Variants in C12orf54 observed in about 807,000 individuals in gnomAD.
C12orf54 encodes chromosome 12 open reading frame 54, also known as uncharacterized protein C12orf54.
A neutral mutation model predicts 26.4 loss-of-function variants in C12orf54; 24 were observed. The observed-to-expected ratio is 0.91, with a 90% confidence interval of 0.66 to 1.28. The LOEUF (loss-of-function observed/expected upper bound fraction) is 1.28, where lower values mean the gene tolerates loss of function less well. Ranked by LOEUF, C12orf54 falls within the 50% of genes most tolerant of loss-of-function variation. The pLI is 0.00. For synonymous variants in C12orf54, 54 were observed against 47.0 expected, an observed-to-expected ratio of 1.15 and a Z score of -0.61; for missense variants, 154 against 150.9, an observed-to-expected ratio of 1.02 and a Z score of -0.11.
the C12orf54 span, among the ~76,000 whole-genome samples, chr12:48,431,980 T>C: frequency 4.0e-3 from 615 of 152,216 alleles, 5 homozygotes; most frequent in African/African-American, 0.014. Context: ...AATTATAATC[T>C]CAATAAAGTT....
the C12orf54 span, among the ~76,000 whole-genome samples, chr12:48,456,932 G>A: frequency 6.6e-6 from 1 of 152,054 alleles, no homozygotes; most frequent in Admixed American, 6.6e-5. Context: ...TCACCATTAT[G>A]AGGACCAGTC....
chr12:48,447,670 G>A, the C12orf54 span, among the ~76,000 whole-genome samples: 5 of 151,972 alleles, frequency 3.3e-5, no homozygotes, highest in Admixed American at 6.6e-5. Flanking sequence ...TCTGCTACCC[G>A]TGGTAGCAGA....
Position 48,490,818 on chromosome 12 carries a change from G to A in C12orf54, c.175G>A (p.Glu59Lys). 6.2e-7 allele frequency: 1 copy of A among 1,613,636 alleles called. No individual in the cohort carries two copies. The highest frequency in any genetic ancestry group is 2.2e-5 in the East Asian group (1 of 44,878). Reference sequence around the variant, plus strand: ...TATTCTCATTATTTTTCAGCTGCAGGAAGATGCTCGGATTCGAGGTAAAAC... The same window carrying A: ...TATTCTCATTATTTTTCAGCTGCAGAAAGATGCTCGGATTCGAGGTAAAAC... ...VFKDIQKELQ[E>K]DARIRGMSNC... Residue 59 changes from glutamate (E) to lysine (K), a missense_variant, in exon 6 of 9, where the codon GAA becomes AAA. Transcript: ENST00000548364.
chr12:48,473,809 C>G, the C12orf54 span, among the ~76,000 whole-genome samples: 1 of 152,304 alleles, frequency 6.6e-6, no homozygotes, highest in African/African-American at 2.4e-5. Flanking sequence ...GGTTACTCAA[C>G]ACCCAGAAGG....
the C12orf54 span, among the ~76,000 whole-genome samples, chr12:48,426,666 CT>C: frequency 2.6e-5 from 4 of 152,090 alleles, no homozygotes; most frequent in Admixed American, 2.6e-4. Flanking sequence ...CTGTAAATTC[CT>C]TTGAGCAGTA....
the C12orf54 span, among the ~76,000 whole-genome samples, chr12:48,450,990 A>T: frequency 6.6e-6 from 1 of 152,198 alleles, no homozygotes; most frequent in Non-Finnish European, 1.5e-5. Flanking sequence ...GGCCAGCATC[A>T]TCCTGATACC....
the C12orf54 span, among the ~76,000 whole-genome samples, chr12:48,438,019 A>G: frequency 1.3e-5 from 2 of 152,234 alleles, no homozygotes; most frequent in African/African-American, 4.8e-5. Flanking sequence ...GTAACAGCCC[A>G]AAATCTCCTT....
At chr12:48,459,120 ATAT>A in the C12orf54 span, among the ~76,000 whole-genome samples, 2 of 152,176 alleles carry the variant, frequency 1.3e-5, no homozygotes, top group Non-Finnish European at 2.9e-5. Context: ...ACTTGCTTAA[ATAT>A]TATGAAATTG....
chr12:48,482,370 C>T (rs1954207142), upstream of C12orf54: 1 of 152,182 alleles, frequency 6.6e-6, no homozygotes, highest in African/African-American at 2.4e-5. Flanking sequence ...CTCCATTTTA[C>T]CATTATCGTT....
Position 48,488,679 on chromosome 12 carries a change from C to G in C12orf54, c.136-245C>G, listed in dbSNP as rs1408516389. Among the ~76,000 whole-genome samples, 5 of 152,226 alleles carry G rather than the reference C, an allele frequency of 3.3e-5. No homozygotes were observed. In the South Asian group the frequency reaches 8.3e-4, roughly 25 times the overall value. On this transcript the variant is annotated intron_variant, in intron 4 of 8. Coordinates refer to ENST00000548364, the MANE Select transcript of C12orf54 (RefSeq NM_152319.4). ...TTATACATTCAATGCACAGCCCAGT[C>G]TTCTTTAAATACTTTACTGTATTTT...
intron 2 of C12orf54, 29 bp downstream of exon 2, chr12:48,483,390 A>G (rs1319015482): frequency 1.9e-6 from 3 of 1,602,120 alleles, no homozygotes; most frequent in Non-Finnish European, 1.7e-6. Flanking sequence ...ACCCTCAAAC[A>G]TCCTTAGATT....
chr12:48,453,882 C>T, the C12orf54 span, among the ~76,000 whole-genome samples: 2 of 151,760 alleles, frequency 1.3e-5, no homozygotes, highest in African/African-American at 2.4e-5. Flanking sequence ...CTTGAGAAAA[C>T]AAAGAAGGTG....
At chr12:48,445,397 T>A in the C12orf54 span, among the ~76,000 whole-genome samples, 1 of 152,232 alleles carries the variant, frequency 6.6e-6, no homozygotes, top group Non-Finnish European at 1.5e-5. Flanking sequence ...TGTTTTGCTC[T>A]GTTCTGCACT....
the C12orf54 span, among the ~76,000 whole-genome samples, chr12:48,463,479 G>A: frequency 2.0e-5 from 3 of 151,806 alleles, no homozygotes; most frequent in Non-Finnish European, 2.9e-5. Flanking sequence ...AATCACAGCT[G>A]AATTCTACCA....
chr12:48,486,044 C>T (rs150178163), intron 2 of C12orf54, 134 bp from the exon 3 acceptor site: 45 of 781,628 alleles, frequency 5.8e-5, no homozygotes, highest in Admixed American at 1.6e-4. Flanking sequence ...GAGGCAGGAC[C>T]GTGGCTACCC....
the C12orf54 span, among the ~76,000 whole-genome samples, chr12:48,458,733 CTT>C: frequency 8.2e-5 from 12 of 146,768 alleles, no homozygotes; most frequent in South Asian, 2.1e-4. Context: ...CTTGATTGTT[CTT>C]TTTTTTTTTT....
chr12:48,486,364 C>A, intron 3 of C12orf54, 156 bp downstream of exon 3: 2 of 720,822 alleles, frequency 2.8e-6, no homozygotes, highest in Non-Finnish European at 4.7e-6. Context: ...CATTGTCTAC[C>A]AAACCAGGTA....
the C12orf54 span, among the ~76,000 whole-genome samples, chr12:48,433,466 G>C: frequency 0.39 from 52,399 of 136,018 alleles, 11,120 homozygotes; most frequent in Middle Eastern, 0.54. Context: ...GGGGGGGGGG[G>C]GGGCAGGATC....
the C12orf54 span, among the ~76,000 whole-genome samples, chr12:48,434,854 C>T: frequency 2.6e-5 from 4 of 152,114 alleles, no homozygotes; most frequent in Non-Finnish European, 5.9e-5. Flanking sequence ...AACCGAGCAC[C>T]TCTCCCCCTC....
Sources: gnomAD v4.1 joint callset for allele counts (sites outside exome capture counted in the v4.1 genomes callset) on GRCh38, gnomAD v4.1.1 for gene constraint, MANE v1.5 for transcripts, NCBI Gene and HGNC (gene_info 2026-07-23, HGNC 2026-07-21) for gene names.